FGF14: variants seen among roughly 807,000 people sequenced by gnomAD.
FGF14 encodes fibroblast growth factor homologous factor 4.
A neutral mutation model predicts 25.5 loss-of-function variants in FGF14; 5 were observed. The ratio of observed to expected loss-of-function variants is 0.20; its 90% CI spans 0.10 to 0.41. The LOEUF (loss-of-function observed/expected upper bound fraction) is 0.41, where lower values mean the gene tolerates loss of function less well. Ranked by LOEUF, FGF14 falls within the 10% of genes least tolerant of loss-of-function variation. The pLI is 1.00. For missense variants in FGF14, 222 were observed against 320.1 expected (o/e 0.69, Z 2.34); for synonymous variants, 138 against 118.3 (o/e 1.17, Z -1.08).
At chr13:102,160,554 CAA>C (rs1407693482) in intron 1 of FGF14, among the ~76,000 whole-genome samples, 1 of 152,020 alleles carries the variant, frequency 6.6e-6, no homozygotes, top group African/African-American at 2.4e-5. Flanking sequence ...AACTAAAAAA[CAA>C]GATATAATTT....
At chr13:101,765,714 ATTATT>A (rs1413261523) in intron 3 of FGF14, among the ~76,000 whole-genome samples, 78 of 143,184 alleles carry the variant, frequency 5.4e-4, no homozygotes, top group African/African-American at 1.9e-3. Context: ...TATTATTATT[ATTATT>A]TTATTTATTT....
intron 1 of FGF14, among the ~76,000 whole-genome samples, chr13:102,146,708 T>C (rs1452985356): frequency 6.6e-6 from 1 of 152,132 alleles, no homozygotes; most frequent in East Asian, 1.9e-4. Context: ...ACTTAGATAA[T>C]ATAAAAATCC....
chr13:101,949,075 G>A (rs568709368), intron 1 of FGF14, among the ~76,000 whole-genome samples: 1 of 152,208 alleles, frequency 6.6e-6, no homozygotes, highest in Admixed American at 6.5e-5. Flanking sequence ...ACTGGGTGAT[G>A]AACTACAAGA....
At chr13:101,776,776 C>G (rs1455834986) in intron 3 of FGF14, among the ~76,000 whole-genome samples, 4 of 152,168 alleles carry the variant, frequency 2.6e-5, no homozygotes, top group African/African-American at 9.7e-5. Flanking sequence ...ATTCAAAATA[C>G]CATGAACTGG....
rs140475628 is a variant in FGF14, at chr13:101,817,437, A to G, written c.408+51288T>C. Among the ~76,000 whole-genome samples, 458 of 152,308 alleles carry G rather than the reference A, an allele frequency of 3.0e-3. 2 individuals carry two copies. Among genetic ancestry groups the G allele is most frequent in the African/African-American group, 0.01 (417 of 41,562 alleles). On this transcript the variant is annotated intron_variant, in intron 3 of 4. Transcript: ENST00000376143. ...ATTACTTTTTTGAGACTTATCTTCA[A>G]ATTTAAAAAAAGGTGGCAGATTATT... is the stretch of plus-strand genomic sequence containing the variant.
At chr13:102,175,166 G>C (rs554248841) in intron 1 of FGF14, among the ~76,000 whole-genome samples, 1 of 152,182 alleles carries the variant, frequency 6.6e-6, no homozygotes, top group Admixed American at 6.5e-5. Context: ...GAACAAAACT[G>C]GAGCATCACA....
At chr13:102,045,306 A>T (rs1490617672) in intron 1 of FGF14, among the ~76,000 whole-genome samples, 1 of 152,178 alleles carries the variant, frequency 6.6e-6, no homozygotes, top group Non-Finnish European at 1.5e-5. Flanking sequence ...AGATATAAAT[A>T]TATGTAAATA....
chr13:102,218,575 A>G (rs1300086294), intron 1 of FGF14, among the ~76,000 whole-genome samples: 5 of 152,008 alleles, frequency 3.3e-5, no homozygotes, highest in African/African-American at 1.2e-4. Context: ...TTGGTGGTCA[A>G]TGATGGGGTT....
At chr13:102,366,428 G>C (rs1489828822) in intron 1 of FGF14, 1 of 152,008 alleles carries the variant, frequency 6.6e-6, no homozygotes, top group Non-Finnish European at 1.5e-5. Context: ...TTTGATGAAT[G>C]ATCTAAGATT....
intron 1 of FGF14, among the ~76,000 whole-genome samples, chr13:101,968,538 T>C (rs2037369278): frequency 6.6e-6 from 1 of 151,958 alleles, no homozygotes; most frequent in South Asian, 2.1e-4. Flanking sequence ...CCAGGCGTGG[T>C]GGCAGGCGCC....
rs370204032 is a variant in FGF14, at chr13:102,163,669, G to T, written c.208+237802C>A. 1.6e-4 allele frequency among the ~76,000 whole-genome samples: 25 copies of T among 152,220 alleles called. No individual in the cohort carries two copies. The East Asian group carries it at 3.9e-3, about 24-fold the overall frequency. ...GGAGGTGATCTGGCTGGCTGCAAAG[G>T]CAATTGAGGAACACAAAAGTATAGG... On this transcript the variant is annotated intron_variant, in intron 1 of 4. Coordinates refer to the FGF14 transcript ENST00000376131.
At chr13:102,401,566 T>G in exon 1 of FGF14, 1 of 1,614,200 alleles carries the variant, frequency 6.2e-7, no homozygotes, top group Non-Finnish European at 8.5e-7. Flanking sequence ...CCACATTGAT[T>G]TGGGCGAAAA....
chr13:101,978,473 C>T (rs1161246865), intron 1 of FGF14, among the ~76,000 whole-genome samples: 1 of 152,158 alleles, frequency 6.6e-6, no homozygotes, highest in African/African-American at 2.4e-5. Flanking sequence ...ATCAAAGACA[C>T]TTTTGCCAAT....
intron 3 of FGF14, among the ~76,000 whole-genome samples, chr13:101,863,691 T>C (rs2044546057): frequency 6.6e-6 from 1 of 152,128 alleles, no homozygotes; most frequent in Non-Finnish European, 1.5e-5. Context: ...CTCTGAAGGA[T>C]GATAGGTACC....
chr13:102,117,131 C>G (rs1394405618), intron 1 of FGF14, among the ~76,000 whole-genome samples: 2 of 152,208 alleles, frequency 1.3e-5, no homozygotes. Flanking sequence ...CTGCTTTTCT[C>G]CTTACCTAGC....
intron 1 of FGF14, among the ~76,000 whole-genome samples, chr13:102,340,728 G>C (rs1865307108): frequency 6.6e-6 from 1 of 152,114 alleles, no homozygotes; most frequent in South Asian, 2.1e-4. Flanking sequence ...AAAATGCAAA[G>C]GGCTTCTTAT....
At chr13:101,867,482 G>C (rs1241279436) in intron 3 of FGF14, among the ~76,000 whole-genome samples, 1 of 152,040 alleles carries the variant, frequency 6.6e-6, no homozygotes, top group African/African-American at 2.4e-5. Context: ...TGATGTTTAG[G>C]CCCCTAAAAT....
At chr13:101,894,620 C>T (rs1295884102) in intron 1 of FGF14, among the ~76,000 whole-genome samples, 1 of 152,186 alleles carries the variant, frequency 6.6e-6, no homozygotes. Context: ...TATTGCTTAA[C>T]ATATACCCAC....
intron 1 of FGF14, among the ~76,000 whole-genome samples, chr13:101,885,763 AAAG>A (rs1357811482): frequency 1.3e-5 from 2 of 151,898 alleles, no homozygotes; most frequent in Non-Finnish European, 2.9e-5. Flanking sequence ...CTGGAGCTGC[AAAG>A]AAGGACAAGA....
Sources: allele counts gnomAD v4.1 joint callset (sites outside exome capture counted in the v4.1 genomes callset), GRCh38; gene constraint gnomAD v4.1.1; transcripts MANE v1.5; gene names NCBI Gene and HGNC (gene_info 2026-07-23, HGNC 2026-07-21).